Variants in GIGYF2 observed in about 807,000 individuals in gnomAD.
The protein encoded by GIGYF2 is GRB10-interacting GYF protein 2.
In GIGYF2, 25 loss-of-function variants were observed where a neutral mutation model predicts 208.1. The ratio of observed to expected loss-of-function variants is 0.12; its 90% CI spans 0.09 to 0.17. The LOEUF (loss-of-function observed/expected upper bound fraction) is 0.17, where lower values mean the gene tolerates loss of function less well. GIGYF2 is among the 10% of genes least tolerant of loss of function. The pLI is 1.00. For synonymous variants in GIGYF2, 534 were observed against 543.8 expected (o/e 0.98, Z 0.25); for missense variants, 1,302 against 1,579.4 (o/e 0.82, Z 2.98).
chr2:232,804,853 CCCATGGATTA>C (rs1298748211), intron 14 of GIGYF2, among the ~76,000 whole-genome samples: 1 of 151,416 alleles, frequency 6.6e-6, no homozygotes, highest in African/African-American at 2.4e-5. Context: ...CCCTCTTTTA[CCCATGGATTA>C]TTTTGAAGTA....
At chr2:232,855,232 G>A (rs1188901244) in intron 28 of GIGYF2, among the ~76,000 whole-genome samples, 2 of 151,992 alleles carry the variant, frequency 1.3e-5, no homozygotes, top group Admixed American at 6.6e-5. Flanking sequence ...GATTACAGGC[G>A]TGCAGCGCCA....
At chr2:232,785,723 A>G (rs141950149) in intron 8 of GIGYF2, among the ~76,000 whole-genome samples, 216 of 152,336 alleles carry the variant, frequency 1.4e-3, no homozygotes, top group African/African-American at 5.1e-3. Flanking sequence ...TTTATCTTTC[A>G]GTAGAATGAT....
intron 9 of GIGYF2, among the ~76,000 whole-genome samples, chr2:232,790,304 G>A (rs996998175): frequency 3.3e-5 from 5 of 152,182 alleles, no homozygotes; most frequent in African/African-American, 9.7e-5. Context: ...TTGGGCAAAA[G>A]GAAGGTGTAA....
chr2:232,812,756 T>C (rs1310955108), intron 18 of GIGYF2, among the ~76,000 whole-genome samples: 2 of 152,208 alleles, frequency 1.3e-5, no homozygotes, highest in East Asian at 1.9e-4. Context: ...GGAAAAATCA[T>C]TTAAATTATT....
intron 28 of GIGYF2, among the ~76,000 whole-genome samples, chr2:232,852,404 G>A (rs1417296642): frequency 6.6e-6 from 1 of 152,090 alleles, no homozygotes; most frequent in Non-Finnish European, 1.5e-5. Context: ...AATTAGCTGG[G>A]CGTGGTGGTG....
chr2:232,764,960 G>C (rs764596895), intron 8 of GIGYF2, among the ~76,000 whole-genome samples: 3 of 152,016 alleles, frequency 2.0e-5, no homozygotes, highest in Non-Finnish European at 4.4e-5. Flanking sequence ...TCTTTGAAAA[G>C]GCAGGTTCCA....
At chr2:232,704,649 TG>T (rs1412812546) in intron 2 of GIGYF2, among the ~76,000 whole-genome samples, 2 of 152,056 alleles carry the variant, frequency 1.3e-5, no homozygotes, top group Middle Eastern at 3.4e-3. Context: ...CACCTGCCTT[TG>T]CCTCCCAAAG....
chr2:232,709,866 A>G (rs1696300136), intron 2 of GIGYF2, among the ~76,000 whole-genome samples: 1 of 152,138 alleles, frequency 6.6e-6, no homozygotes, highest in Non-Finnish European at 1.5e-5. Context: ...TCCTGGGCTC[A>G]AGTGATCCTC....
At chr2:232,761,327 G>GT in intron 7 of GIGYF2, 69 bp from the exon 8 acceptor site, 1 of 937,922 alleles carries the variant, frequency 1.1e-6, no homozygotes, top group South Asian at 1.3e-5. Context: ...AAATGGGAAA[G>GT]TGAGTGTCAC....
Position 232,796,101 on chromosome 2 carries a change from C to T in GIGYF2, c.1519C>T (p.Leu507=). 1 of 1,610,422 alleles carries T rather than the reference C, an allele frequency of 6.2e-7. No homozygotes were observed. The highest frequency in any genetic ancestry group is 8.5e-7 in the Non-Finnish European group (1 of 1,176,742). The change falls in exon 14 of 29, where the codon CTA becomes TTA. Residue 507 remains leucine (L), a synonymous_variant. Coordinates refer to ENST00000373563, the MANE Select transcript of GIGYF2 (RefSeq NM_001103146.3). ...KMVAYLQDSA[L]DDERLASKLQ... ...GGTGGCTTATCTCCAAGACAGTGCA[C>T]TAGATGATGAAAGATTGGCATCAAA...
intron 19 of GIGYF2, chr2:232,816,017 AT>A (rs1700897770): frequency 5.0e-6 from 2 of 401,988 alleles, no homozygotes; most frequent in South Asian, 4.7e-5. Flanking sequence ...TGGTATGAAC[AT>A]TTGTTATAAG....
intron 18 of GIGYF2, among the ~76,000 whole-genome samples, chr2:232,812,769 C>T (rs1180803488): frequency 2.0e-5 from 3 of 151,818 alleles, no homozygotes; most frequent in African/African-American, 7.3e-5. Context: ...AAATTATTTT[C>T]GATCTCTTTA....
At chr2:232,799,268 G>A (rs1700317632) in intron 14 of GIGYF2, among the ~76,000 whole-genome samples, 1 of 152,056 alleles carries the variant, frequency 6.6e-6, no homozygotes, top group African/African-American at 2.4e-5. Flanking sequence ...TATGGGCCAG[G>A]TGTGGTGGTT....
At position 232,856,851 on chromosome 2, in the gene GIGYF2, T is replaced by C; in HGVS notation, c.3891T>C (p.Asp1297=). The change falls in exon 29 of 29, where the codon GAT becomes GAC. Residue 1297 remains aspartate (D), a synonymous_variant. Coordinates refer to ENST00000373563, the MANE Select transcript of GIGYF2 (RefSeq NM_001103146.3). ...RLNMGEIETL[D]DY is the part of the protein sequence containing the mutation. ...ACATGGGTGAAATCGAGACGTTGGA[T>C]GACTACTGAGCACCTGCCAGTGGAC... is the stretch of plus-strand genomic sequence containing the variant. 1 of 1,610,148 alleles carries C rather than the reference T, an allele frequency of 6.2e-7. No homozygotes were observed. Among genetic ancestry groups the C allele is most frequent in the Non-Finnish European group, 8.5e-7 (1 of 1,176,344 alleles).
Position 232,827,342 on chromosome 2 carries a change from T to A in GIGYF2, c.2530-5515T>A, listed in dbSNP as rs147739045. Among the ~76,000 whole-genome samples the A allele has an allele frequency of 2.8e-3, 421 of 152,366 alleles. 2 individuals carry two copies. The highest frequency in any genetic ancestry group is 9.6e-3 in the African/African-American group (400 of 41,592). ...TCACTTTATTGCAGTAGCCTGGTAC[T>A]GAACCTGCAGTATCTTTGAGGCATG... On this transcript the variant is annotated intron_variant, in intron 21 of 28. Coordinates refer to ENST00000373563, the MANE Select transcript of GIGYF2 (RefSeq NM_001103146.3).
At chr2:232,735,384 G>A in intron 3 of GIGYF2, 146 bp downstream of exon 3, 1 of 663,612 alleles carries the variant, frequency 1.5e-6, no homozygotes, top group Non-Finnish European at 2.7e-6. Context: ...GTTAGTTCAG[G>A]AATAAATTAT....
chr2:232,809,835 T>A (rs768277005), intron 16 of GIGYF2, 24 bp downstream of exon 16: 3 of 1,199,340 alleles, frequency 2.5e-6, no homozygotes, highest in South Asian at 2.4e-5. Context: ...TGCAGTAGGA[T>A]GTACTGCAGC....
intron 26 of GIGYF2, 81 bp from the exon 27 acceptor site, chr2:232,847,267 A>G: frequency 7.2e-7 from 1 of 1,395,064 alleles, no homozygotes; most frequent in Admixed American, 1.7e-5. Context: ...ATAAAGATAC[A>G]TTAAAAATGG....
intron 5 of GIGYF2, among the ~76,000 whole-genome samples, chr2:232,752,595 C>T (rs540247267): frequency 6.6e-6 from 1 of 152,168 alleles, no homozygotes; most frequent in African/African-American, 2.4e-5. Flanking sequence ...GGCTGGAGTG[C>T]AGTGGCGCGA....
Sources: allele counts gnomAD v4.1 joint callset (sites outside exome capture counted in the v4.1 genomes callset), GRCh38; gene constraint gnomAD v4.1.1; transcripts MANE v1.5; gene names NCBI Gene and HGNC (gene_info 2026-07-23, HGNC 2026-07-21).